FRMD4A: variants seen among roughly 807,000 people sequenced by gnomAD.
FRMD4A encodes FERM domain-containing protein 4A.
A neutral mutation model predicts 129.1 loss-of-function variants in FRMD4A; 29 were observed. The observed-to-expected ratio is 0.22, with a 90% CI of 0.17 to 0.31. The LOEUF is 0.31. FRMD4A is among the 10% of genes least tolerant of loss of function. The pLI is 1.00. For missense variants in FRMD4A, 1,272 were observed against 1,375.8 expected (o/e 0.92, Z 1.19); for synonymous variants, 634 against 571.6 (o/e 1.11, Z -1.56).
chr10:14,042,571 C>G (rs531897177), intron 2 of FRMD4A, among the ~76,000 whole-genome samples: 2 of 152,160 alleles, frequency 1.3e-5, no homozygotes, highest in African/African-American at 4.8e-5. Flanking sequence ...TTCACGGCAC[C>G]GAAGAACAGG....
chr10:13,855,225 G>A (rs1411371843), intron 3 of FRMD4A, among the ~76,000 whole-genome samples: 1 of 152,182 alleles, frequency 6.6e-6, no homozygotes, highest in Non-Finnish European at 1.5e-5. Context: ...AGTGCTGCAT[G>A]AAATTATCTG....
At chr10:13,916,530 C>A (rs2095008930) in intron 2 of FRMD4A, among the ~76,000 whole-genome samples, 1 of 152,146 alleles carries the variant, frequency 6.6e-6, no homozygotes, top group Non-Finnish European at 1.5e-5. Flanking sequence ...TTCACCTAGT[C>A]CCATAATGAC....
intron 2 of FRMD4A, among the ~76,000 whole-genome samples, chr10:14,220,628 G>C (rs541506543): frequency 7.2e-5 from 11 of 152,294 alleles, no homozygotes; most frequent in African/African-American, 2.6e-4. Context: ...TTCTGATTCT[G>C]CAGTAAATGA....
chr10:13,972,027 A>G, intron 2 of FRMD4A: 1 of 1,169,966 alleles, frequency 8.5e-7, no homozygotes, highest in Non-Finnish European at 1.1e-6. Flanking sequence ...AAAGGCTCTT[A>G]ACTCCCTCCC....
chr10:14,149,289 C>T (rs953548295), intron 2 of FRMD4A, among the ~76,000 whole-genome samples: 2 of 152,058 alleles, frequency 1.3e-5, no homozygotes, highest in Non-Finnish European at 1.5e-5. Context: ...CACAGAAATA[C>T]GTAGTAAGAT....
intron 3 of FRMD4A, 33 bp downstream of exon 3, chr10:13,858,814 A>T: frequency 7.6e-7 from 1 of 1,311,218 alleles, no homozygotes; most frequent in Non-Finnish European, 1.1e-6. Flanking sequence ...CAGTCACCAA[A>T]GAAACTCAGA....
At chr10:13,682,421 A>G (rs541004331) in intron 15 of FRMD4A, among the ~76,000 whole-genome samples, 1 of 150,648 alleles carries the variant, frequency 6.6e-6, no homozygotes, top group South Asian at 2.1e-4. Flanking sequence ...TTTTTAGAGA[A>G]CTCCTAAACA....
intron 5 of FRMD4A, among the ~76,000 whole-genome samples, chr10:13,791,665 T>C (rs1054431935): frequency 6.6e-6 from 1 of 152,154 alleles, no homozygotes; most frequent in Non-Finnish European, 1.5e-5. Context: ...GCTCTGTCCT[T>C]GGCTCCTAGA....
At chr10:14,127,065 T>C (rs1838883892) in intron 2 of FRMD4A, among the ~76,000 whole-genome samples, 1 of 152,122 alleles carries the variant, frequency 6.6e-6, no homozygotes, top group South Asian at 2.1e-4. Context: ...CATCATGTAA[T>C]AAGGGAAACT....
intron 2 of FRMD4A, among the ~76,000 whole-genome samples, chr10:13,989,407 G>A (rs1194781658): frequency 1.3e-5 from 2 of 152,098 alleles, no homozygotes; most frequent in East Asian, 3.9e-4. Flanking sequence ...CCAGGCTGGA[G>A]TGTAGTGGCG....
At chr10:13,809,520 A>T (rs74121699) in intron 4 of FRMD4A, among the ~76,000 whole-genome samples, 2,175 of 36,128 alleles carry the variant, frequency 0.06, 53 homozygotes, top group African/African-American at 0.11. Flanking sequence ...AAAAGCTTTT[A>T]AAAAAATTGC....
intron 2 of FRMD4A, among the ~76,000 whole-genome samples, chr10:14,059,562 C>T (rs1397457450): frequency 6.6e-6 from 1 of 152,220 alleles, no homozygotes; most frequent in Non-Finnish European, 1.5e-5. Context: ...AGAGCTCTCA[C>T]TGGGAAGTGG....
chr10:14,086,468 C>T (rs1043680419), intron 2 of FRMD4A, among the ~76,000 whole-genome samples: 2 of 152,150 alleles, frequency 1.3e-5, no homozygotes, highest in Non-Finnish European at 2.9e-5. Context: ...TAATTTGCAT[C>T]TTATGCTTGG....
At chr10:13,934,431 A>G (rs561398489) in intron 2 of FRMD4A, among the ~76,000 whole-genome samples, 1 of 152,226 alleles carries the variant, frequency 6.6e-6, no homozygotes, top group Non-Finnish European at 1.5e-5. Context: ...TAGCTGAAAA[A>G]GCAGGGGCTC....
chr10:14,026,562 C>G (rs1248010954), intron 2 of FRMD4A, among the ~76,000 whole-genome samples: 2 of 152,172 alleles, frequency 1.3e-5, no homozygotes, highest in African/African-American at 4.8e-5. Flanking sequence ...GCGGGCAGTG[C>G]TGAGATGAAT....
chr10:13,915,481 G>A (rs1303389453), intron 2 of FRMD4A, among the ~76,000 whole-genome samples: 1 of 151,836 alleles, frequency 6.6e-6, no homozygotes, highest in Non-Finnish European at 1.5e-5. Flanking sequence ...GACCATCCTG[G>A]CTAACACGGT....
At chr10:14,234,318 C>T (rs1032629463) in intron 2 of FRMD4A, among the ~76,000 whole-genome samples, 2 of 152,126 alleles carry the variant, frequency 1.3e-5, no homozygotes, top group African/African-American at 4.8e-5. Context: ...TCTGTAAGTT[C>T]TGAGGCCACC....
chr10:13,727,882 G>A (rs1368867341), intron 12 of FRMD4A: 2 of 152,248 alleles, frequency 1.3e-5, no homozygotes, highest in Non-Finnish European at 2.9e-5. Flanking sequence ...ACTTGGATGG[G>A]AGAATTTAGT....
chr10:14,082,976 A>G (rs1408300847), intron 2 of FRMD4A: 1 of 152,238 alleles, frequency 6.6e-6, no homozygotes, highest in African/African-American at 2.4e-5. Context: ...TTATTGAAAC[A>G]AAGACTCCAA....
Sources: allele counts gnomAD v4.1 joint callset (sites outside exome capture counted in the v4.1 genomes callset), GRCh38; gene constraint gnomAD v4.1.1; transcripts MANE v1.5; gene names NCBI Gene and HGNC (gene_info 2026-07-23, HGNC 2026-07-21).